COL4A2: variants seen among roughly 807,000 people sequenced by gnomAD.
COL4A2 encodes the protein collagen alpha-2(IV) chain.
A neutral mutation model predicts 200.2 loss-of-function variants in COL4A2; 99 were observed. The observed-to-expected ratio is 0.49, with a 90% CI of 0.42 to 0.58. The LOEUF is 0.58. Ranked by LOEUF, COL4A2 falls within the 20% of genes least tolerant of loss-of-function variation. COL4A2 has a pLI of 0.00. For missense variants in COL4A2, 1,950 were observed against 2,314.1 expected (o/e 0.84, Z 3.23); for synonymous variants, 897 against 900.6 (o/e 1.00, Z 0.07).
chr13:110,451,912 A>G (rs1217527120), intron 20 of COL4A2, among the ~76,000 whole-genome samples: 1 of 152,278 alleles, frequency 6.6e-6, no homozygotes, highest in African/African-American at 2.4e-5. Flanking sequence ...GAGTGAATAT[A>G]GGAGACATTG....
intron 38 of COL4A2, among the ~76,000 whole-genome samples, chr13:110,492,553 GC>G (rs1290800941): frequency 3.3e-5 from 5 of 152,206 alleles, no homozygotes; most frequent in African/African-American, 9.7e-5. Flanking sequence ...CCTCCTTACA[GC>G]CCCGAGACGG....
chr13:110,415,587 G>C (rs565901083), intron 4 of COL4A2, among the ~76,000 whole-genome samples: 2 of 152,092 alleles, frequency 1.3e-5, no homozygotes, highest in Non-Finnish European at 2.9e-5. Context: ...TTATCGTAGC[G>C]GAACCAACTC....
intron 3 of COL4A2, among the ~76,000 whole-genome samples, chr13:110,357,227 T>C (rs1056627920): frequency 6.6e-6 from 1 of 151,996 alleles, no homozygotes; most frequent in Non-Finnish European, 1.5e-5. Flanking sequence ...AGGATGTCGA[T>C]GGTGGGGGAT....
intron 16 of COL4A2, among the ~76,000 whole-genome samples, chr13:110,441,185 A>G (rs776062179): frequency 2.0e-5 from 3 of 152,190 alleles, no homozygotes; most frequent in Admixed American, 6.5e-5. Flanking sequence ...ACTCCGTTGA[A>G]TCCTGCTCAG....
At chr13:110,451,254 AT>A (rs1389461979) in intron 20 of COL4A2, among the ~76,000 whole-genome samples, 4 of 152,254 alleles carry the variant, frequency 2.6e-5, no homozygotes, top group South Asian at 4.1e-4. Flanking sequence ...TCAGAGAGTT[AT>A]GCTTTAAAGA....
intron 3 of COL4A2, among the ~76,000 whole-genome samples, chr13:110,326,401 C>A (rs1885414578): frequency 6.6e-6 from 1 of 152,192 alleles, no homozygotes; most frequent in Non-Finnish European, 1.5e-5. Flanking sequence ...AAACCTCAGC[C>A]TCCTCTGTCT....
chr13:110,492,463 G>A (rs573215188), intron 38 of COL4A2, among the ~76,000 whole-genome samples: 4 of 152,198 alleles, frequency 2.6e-5, no homozygotes, highest in Non-Finnish European at 4.4e-5. Flanking sequence ...ACTTGTCATC[G>A]CCACACAGGG....
At chr13:110,510,646 TTGTGTGTGTGCATGAGTGTACACCA>T (rs1884052747) in intron 47 of COL4A2, among the ~76,000 whole-genome samples, 1 of 152,014 alleles carries the variant, frequency 6.6e-6, no homozygotes, top group South Asian at 2.1e-4. Flanking sequence ...ATGCGTGCAT[TTGTGTGTGTGCATGAGTGTACACCA>T]TGTGTGTGCA....
chr13:110,403,193 T>A (rs1385067105), intron 4 of COL4A2, among the ~76,000 whole-genome samples: 1 of 152,238 alleles, frequency 6.6e-6, no homozygotes, highest in Non-Finnish European at 1.5e-5. Flanking sequence ...TGTTCTCTGC[T>A]GAACATGTTT....
chr13:110,354,528 C>T (rs1000623460), intron 3 of COL4A2, among the ~76,000 whole-genome samples: 1 of 152,074 alleles, frequency 6.6e-6, no homozygotes, highest in Non-Finnish European at 1.5e-5. Context: ...CCAGCTGCCT[C>T]ATTACCTCAC....
At chr13:110,438,392 C>A (rs1421030495) in intron 14 of COL4A2, among the ~76,000 whole-genome samples, 2 of 152,232 alleles carry the variant, frequency 1.3e-5, no homozygotes, top group Non-Finnish European at 2.9e-5. Context: ...CGGTCGCTTA[C>A]CACGTGACAT....
chr13:110,459,005 T>C, intron 22 of COL4A2, 71 bp downstream of exon 22: 1 of 1,395,234 alleles, frequency 7.2e-7, no homozygotes, highest in Non-Finnish European at 9.5e-7. Context: ...TTCTTGCCTT[T>C]TATCTCCTAA....
At chr13:110,317,617 G>C (rs1051753719) in intron 3 of COL4A2, among the ~76,000 whole-genome samples, 1 of 152,188 alleles carries the variant, frequency 6.6e-6, no homozygotes. Flanking sequence ...GGCCCTTAAA[G>C]GATGACCAAG....
intron 3 of COL4A2, among the ~76,000 whole-genome samples, chr13:110,326,112 C>T (rs1028063389): frequency 6.6e-6 from 1 of 152,254 alleles, no homozygotes; most frequent in Non-Finnish European, 1.5e-5. Flanking sequence ...GTCATTTGCT[C>T]AGAACCCAGA....
intron 4 of COL4A2, among the ~76,000 whole-genome samples, chr13:110,415,168 T>C (rs1350651199): frequency 6.6e-6 from 1 of 152,226 alleles, no homozygotes; most frequent in African/African-American, 2.4e-5. Context: ...TTGGGTGATA[T>C]GGAGCTTTGC....
chr13:110,510,847 G>A (rs1209739071), intron 47 of COL4A2, among the ~76,000 whole-genome samples: 2 of 152,258 alleles, frequency 1.3e-5, no homozygotes, highest in African/African-American at 2.4e-5. Flanking sequence ...TCAGACCAAA[G>A]TGAAGCCGGA....
At chr13:110,456,339 G>A (rs1176958594) in intron 20 of COL4A2, 1 of 256,860 alleles carries the variant, frequency 3.9e-6, no homozygotes, top group Non-Finnish European at 7.6e-6. Context: ...CAGTGTTCTG[G>A]AGGGATGCAC....
rs1392128437 is a variant in COL4A2, at chr13:110,462,162, G to A, written c.1645G>A (p.Asp549Asn). Residue 549 changes from aspartate to asparagine, a missense_variant, in exon 23 of 48, where the codon GAT (aspartate) becomes AAT (asparagine). Physicochemically the swap from Asp to Asn is conservative, Grantham distance 23. This residue lies in a region of COL4A2 where 1,385 missense variants were observed against 1,720.5 expected (regional missense o/e 0.80). Coordinates refer to ENST00000360467, the MANE Select transcript of COL4A2 (RefSeq NM_001846.4). ...GAPGPKGAKG[D>N]SRTITTKGER... is the part of the protein sequence containing the mutation. ...TCCCGGACCCAAAGGAGCAAAAGGA[G>A]ATTCCAGAACAATCACAACCAAAGG... 2 of 1,614,276 alleles carry A rather than the reference G, an allele frequency of 1.2e-6. No individual in the cohort carries two copies. Among genetic ancestry groups the A allele is most frequent in the Admixed American group, 3.3e-5 (2 of 60,026 alleles).
chr13:110,505,299 A>G (rs111803615), intron 45 of COL4A2, among the ~76,000 whole-genome samples: 3,147 of 152,218 alleles, frequency 0.021, 101 homozygotes, highest in African/African-American at 0.069. Flanking sequence ...GCAATGAGCC[A>G]AGATCGCGCC....
Sources: allele counts gnomAD v4.1 joint callset (sites outside exome capture counted in the v4.1 genomes callset), GRCh38; gene constraint gnomAD v4.1.1; regional missense constraint gnomAD v4.1.1; transcripts MANE v1.5; gene names NCBI Gene and HGNC (gene_info 2026-07-23, HGNC 2026-07-21).